Variants in CSMD1 observed in about 807,000 individuals in gnomAD.
The protein encoded by CSMD1 is CUB and sushi domain-containing protein 1.
CSMD1 carries 213 observed loss-of-function variants against 417.5 expected under a neutral mutation model. The observed-to-expected ratio is 0.51, with a 90% CI of 0.46 to 0.57. The LOEUF is 0.57. Among genes scored for constraint, CSMD1 ranks in the 20% least tolerant of loss-of-function variants. The probability of loss-of-function intolerance (pLI) is 0.00; values close to 1 mark genes in which losing one functional copy is unlikely to be tolerated. For missense variants in CSMD1, 6,923 were observed against 4,529.7 expected (o/e 1.53, Z -15.17); for synonymous variants, 2,862 against 1,736.8 (o/e 1.65, Z -16.11).
At chr8:4,541,228 A>C (rs1038381832) in intron 2 of CSMD1, among the ~76,000 whole-genome samples, 1 of 152,140 alleles carries the variant, frequency 6.6e-6, no homozygotes, top group Non-Finnish European at 1.5e-5. Flanking sequence ...CTTTGCCAGT[A>C]ACTACTGTGT....
At chr8:3,551,106 G>C (rs904211494) in intron 10 of CSMD1, among the ~76,000 whole-genome samples, 1 of 152,160 alleles carries the variant, frequency 6.6e-6, no homozygotes, top group Non-Finnish European at 1.5e-5. Flanking sequence ...TAAGAGAGTA[G>C]ACTTGACCTC....
chr8:3,996,591 G>C (rs1037706995), intron 5 of CSMD1, among the ~76,000 whole-genome samples: 1 of 152,052 alleles, frequency 6.6e-6, no homozygotes, highest in Non-Finnish European at 1.5e-5. Context: ...TAGACATAGC[G>C]AGATAGGTAA....
chr8:4,078,186 C>A (rs1799932749), intron 3 of CSMD1, among the ~76,000 whole-genome samples: 1 of 152,112 alleles, frequency 6.6e-6, no homozygotes, highest in Non-Finnish European at 1.5e-5. Flanking sequence ...CTATTTTCAA[C>A]TCTTTGCTGC....
chr8:4,782,117 G>C (rs1035157295), intron 1 of CSMD1, among the ~76,000 whole-genome samples: 1 of 152,168 alleles, frequency 6.6e-6, no homozygotes, highest in Non-Finnish European at 1.5e-5. Context: ...CATTACAGTA[G>C]GGAGGAGGAA....
rs1238485709 is a variant in CSMD1, at chr8:4,214,865, CG to C, written c.416-182767del. Among the ~76,000 whole-genome samples, 3 of 151,400 alleles carry C rather than the reference CG, an allele frequency of 2.0e-5. 1 individual carries two copies. Among genetic ancestry groups the C allele is most frequent in the African/African-American group, 7.3e-5 (3 of 41,348 alleles). Reference sequence around the variant, plus strand: ...AACTATGACCACCAGGTTTAGATAGCGTTTTTTTAAAAAAATGTATATTCTT... The same window carrying C: ...AACTATGACCACCAGGTTTAGATAGCTTTTTTTAAAAAAATGTATATTCTT... On this transcript the variant is annotated intron_variant, in intron 3 of 69. Coordinates refer to ENST00000635120, the MANE Select transcript of CSMD1 (RefSeq NM_033225.6).
intron 1 of CSMD1, among the ~76,000 whole-genome samples, chr8:4,937,445 A>C (rs980504983): frequency 1.3e-5 from 2 of 152,196 alleles, no homozygotes; most frequent in Non-Finnish European, 2.9e-5. Context: ...CTCTATGATG[A>C]GTAATACTAA....
At chr8:4,713,614 T>G (rs1209987275) in intron 1 of CSMD1, among the ~76,000 whole-genome samples, 1 of 151,992 alleles carries the variant, frequency 6.6e-6, no homozygotes. Flanking sequence ...TGATAATGCA[T>G]AAAGTTCTCA....
intron 3 of CSMD1, among the ~76,000 whole-genome samples, chr8:4,357,549 G>A (rs1234123457): frequency 4.6e-5 from 7 of 150,906 alleles, no homozygotes; most frequent in African/African-American, 1.5e-4. Flanking sequence ...ATGCACAGTT[G>A]GAAAAAAAAA....
chr8:4,801,907 G>A (rs1798306570), intron 1 of CSMD1, among the ~76,000 whole-genome samples: 1 of 152,136 alleles, frequency 6.6e-6, no homozygotes, highest in African/African-American at 2.4e-5. Flanking sequence ...TATTTGCAAG[G>A]CAGCATTCGT....
chr8:3,176,659 A>G (rs1820953827), intron 37 of CSMD1, among the ~76,000 whole-genome samples: 1 of 152,110 alleles, frequency 6.6e-6, no homozygotes, highest in Non-Finnish European at 1.5e-5. Flanking sequence ...CATCCCTCCC[A>G]CTTTAACAAC....
intron 1 of CSMD1, among the ~76,000 whole-genome samples, chr8:4,843,505 G>A (rs947400168): frequency 3.9e-5 from 6 of 152,024 alleles, no homozygotes; most frequent in African/African-American, 1.4e-4. Context: ...AAGACTAATC[G>A]ATCTAACTCC....
chr8:4,948,118 G>A (rs1466621360), intron 1 of CSMD1, among the ~76,000 whole-genome samples: 12 of 151,810 alleles, frequency 7.9e-5, no homozygotes, highest in South Asian at 2.1e-4. Flanking sequence ...CCAAATGGTC[G>A]TATCAATTTA....
At chr8:4,351,839 G>C (rs752397780) in intron 3 of CSMD1, among the ~76,000 whole-genome samples, 1 of 152,082 alleles carries the variant, frequency 6.6e-6, no homozygotes, top group African/African-American at 2.4e-5. Flanking sequence ...AGGCCAAGGA[G>C]ATGTCCAGGA....
intron 3 of CSMD1, among the ~76,000 whole-genome samples, chr8:4,083,173 C>G (rs1162818528): frequency 6.6e-6 from 1 of 152,026 alleles, no homozygotes; most frequent in Non-Finnish European, 1.5e-5. Flanking sequence ...GGTTCTAGAT[C>G]CCTGAGGAAT....
intron 3 of CSMD1, among the ~76,000 whole-genome samples, chr8:4,284,019 G>A (rs989197587): frequency 6.6e-6 from 1 of 152,062 alleles, no homozygotes; most frequent in Non-Finnish European, 1.5e-5. Flanking sequence ...AATCACTTGA[G>A]GTCAGGAATT....
At chr8:3,167,297 A>G (rs1357303560) in intron 37 of CSMD1, among the ~76,000 whole-genome samples, 8 of 151,826 alleles carry the variant, frequency 5.3e-5, no homozygotes, top group African/African-American at 1.9e-4. Context: ...AAAAGAAAAA[A>G]AAAAAAAAAA....
chr8:3,464,730 G>C (rs996505466), intron 12 of CSMD1, among the ~76,000 whole-genome samples: 3 of 151,948 alleles, frequency 2.0e-5, no homozygotes, highest in Non-Finnish European at 4.4e-5. Flanking sequence ...TGAATGGTCA[G>C]TGTTGCTTTA....
At chr8:4,131,702 A>G (rs564813117) in intron 3 of CSMD1, among the ~76,000 whole-genome samples, 4 of 151,696 alleles carry the variant, frequency 2.6e-5, no homozygotes, top group South Asian at 2.1e-4. Flanking sequence ...TGCAAAAAAT[A>G]TACTATCAGA....
chr8:3,110,820 G>T (rs1270219313), intron 42 of CSMD1, among the ~76,000 whole-genome samples: 1 of 152,196 alleles, frequency 6.6e-6, no homozygotes, highest in African/African-American at 2.4e-5. Flanking sequence ...TATACCTGAA[G>T]AAGTAAGATA....
Sources: gnomAD v4.1 joint callset for allele counts (sites outside exome capture counted in the v4.1 genomes callset) on GRCh38, gnomAD v4.1.1 for gene constraint, MANE v1.5 for transcripts, NCBI Gene and HGNC (gene_info 2026-07-23, HGNC 2026-07-21) for gene names.